The following ERC2 variants were observed in gnomAD, a reference collection of about 807,000 sequenced individuals.
ERC2 encodes the protein ELKS/RAB6-interacting/CAST family member 2.
In ERC2, 42 loss-of-function variants were observed where a neutral mutation model predicts 114.8. The ratio of observed to expected loss-of-function variants is 0.37; its 90% CI spans 0.29 to 0.47. The LOEUF is 0.47. ERC2 is among the 20% of genes least tolerant of loss of function. ERC2 has a pLI of 0.99. For synonymous variants in ERC2, 454 were observed against 425.5 expected, an observed-to-expected ratio of 1.07 and a Z score of -0.82; for missense variants, 939 against 1,150.7, an observed-to-expected ratio of 0.82 and a Z score of 2.66.
At position 56,204,008 on chromosome 3, in the gene ERC2, C is replaced by T. The variant is rs533689640; in HGVS notation, c.1075-30488G>A. Among the ~76,000 whole-genome samples, 47 of 151,864 alleles carry T rather than the reference C, an allele frequency of 3.1e-4. 1 individual carries two copies. The highest frequency in any genetic ancestry group is 9.4e-4 in the African/African-American group (39 of 41,410). On this transcript the variant is annotated intron_variant, in intron 3 of 17. Coordinates refer to ENST00000288221, the MANE Select transcript of ERC2 (RefSeq NM_015576.3). ...CAGCCTGGCCAAGATGGTGAAACCC[C>T]GTCTCTACTAAAAATACACACACAA...
chr3:56,297,877 A>G (rs1296467612), intron 2 of ERC2, among the ~76,000 whole-genome samples: 1 of 152,206 alleles, frequency 6.6e-6, no homozygotes, highest in African/African-American at 2.4e-5. Context: ...GCCTACACCC[A>G]GAAACTAGCA....
chr3:55,954,119 T>A (rs1051457707), intron 12 of ERC2, among the ~76,000 whole-genome samples: 1 of 143,128 alleles, frequency 7.0e-6, no homozygotes, highest in Non-Finnish European at 1.5e-5. Context: ...AAAAGGTTTC[T>A]TTGGGGTGAA....
At chr3:55,597,246 C>T (rs1038407223) in intron 17 of ERC2, among the ~76,000 whole-genome samples, 5 of 151,988 alleles carry the variant, frequency 3.3e-5, no homozygotes, top group African/African-American at 1.2e-4. Flanking sequence ...TGGTGAAACC[C>T]CATCTCTACA....
chr3:56,033,015 GAAAGA>G (rs1560057957), intron 7 of ERC2, among the ~76,000 whole-genome samples: 18 of 98,846 alleles, frequency 1.8e-4, no homozygotes, highest in African/African-American at 5.8e-4. Context: ...AAGAAAGAAA[GAAAGA>G]AAAAAGAAAC....
chr3:55,561,876 A>G (rs2056046979), intron 17 of ERC2, among the ~76,000 whole-genome samples: 1 of 152,192 alleles, frequency 6.6e-6, no homozygotes, highest in Non-Finnish European at 1.5e-5. Context: ...AGCCAGCCCA[A>G]TGAGAGTCTG....
intron 2 of ERC2, among the ~76,000 whole-genome samples, chr3:56,330,583 C>T (rs2057564504): frequency 6.6e-6 from 1 of 152,178 alleles, no homozygotes; most frequent in African/African-American, 2.4e-5. Flanking sequence ...AACTTAATTA[C>T]AGTCCCCAAC....
chr3:55,779,186 A>C (rs1274589775), intron 14 of ERC2, among the ~76,000 whole-genome samples: 2 of 152,080 alleles, frequency 1.3e-5, no homozygotes, highest in African/African-American at 4.8e-5. Context: ...GCTGCTTAAA[A>C]AGTTCTGGAA....
chr3:56,364,815 G>A (rs988671914), intron 2 of ERC2, among the ~76,000 whole-genome samples: 40 of 152,278 alleles, frequency 2.6e-4, no homozygotes, highest in African/African-American at 8.7e-4. Context: ...TGCCAGAAGG[G>A]ACCCTGGGCA....
At chr3:56,464,648 A>C (rs543841800) in intron 1 of ERC2, among the ~76,000 whole-genome samples, 5 of 152,334 alleles carry the variant, frequency 3.3e-5, no homozygotes, top group Admixed American at 3.3e-4. Flanking sequence ...TGTTTTGTAC[A>C]TCCAGTGAGT....
intron 13 of ERC2, among the ~76,000 whole-genome samples, chr3:55,897,601 A>G (rs2063904323): frequency 6.6e-6 from 1 of 152,212 alleles, no homozygotes; most frequent in African/African-American, 2.4e-5. Context: ...TTGGCCCAGC[A>G]CAACTCTGGA....
chr3:55,814,803 G>A (rs572041842), intron 14 of ERC2, among the ~76,000 whole-genome samples: 2 of 152,194 alleles, frequency 1.3e-5, no homozygotes, highest in Non-Finnish European at 2.9e-5. Context: ...CAATCGTGTG[G>A]CACATGCTGG....
At chr3:56,335,876 A>G (rs2057826297) in intron 2 of ERC2, among the ~76,000 whole-genome samples, 1 of 152,106 alleles carries the variant, frequency 6.6e-6, no homozygotes, top group Admixed American at 6.5e-5. Context: ...GGACTTGGGG[A>G]GAAACAGGGT....
intron 2 of ERC2, among the ~76,000 whole-genome samples, chr3:56,344,634 G>A (rs1315640319): frequency 2.0e-5 from 3 of 152,122 alleles, no homozygotes; most frequent in South Asian, 2.1e-4. Flanking sequence ...CTTCTTTTCC[G>A]TTAGCAAGCC....
intron 7 of ERC2, among the ~76,000 whole-genome samples, chr3:56,054,939 A>G (rs1275961177): frequency 6.6e-6 from 1 of 152,202 alleles, no homozygotes; most frequent in African/African-American, 2.4e-5. Context: ...ACATGGGCCA[A>G]ATGTCGGTCT....
chr3:55,535,913 T>C (rs2053970471), intron 17 of ERC2, among the ~76,000 whole-genome samples: 2 of 152,042 alleles, frequency 1.3e-5, no homozygotes, highest in South Asian at 4.1e-4. Context: ...GAGGGAGAAT[T>C]GCTTGAACCT....
At chr3:56,353,212 A>C (rs1466472718) in intron 2 of ERC2, among the ~76,000 whole-genome samples, 1 of 151,948 alleles carries the variant, frequency 6.6e-6, no homozygotes, top group Non-Finnish European at 1.5e-5. Flanking sequence ...CTAAGCAACT[A>C]GATACTGAAT....
At chr3:55,732,427 G>A (rs2065310439) in intron 15 of ERC2, among the ~76,000 whole-genome samples, 1 of 152,200 alleles carries the variant, frequency 6.6e-6, no homozygotes, top group African/African-American at 2.4e-5. Flanking sequence ...TTTGGACACT[G>A]CCTTAGCACA....
chr3:55,916,242 T>A (rs1414585491), intron 13 of ERC2, among the ~76,000 whole-genome samples: 1 of 152,204 alleles, frequency 6.6e-6, no homozygotes, highest in African/African-American at 2.4e-5. Context: ...ATGCCTAGCA[T>A]GCCAATTGAC....
intron 2 of ERC2, among the ~76,000 whole-genome samples, chr3:56,366,064 G>C (rs2059138439): frequency 6.6e-6 from 1 of 152,162 alleles, no homozygotes; most frequent in South Asian, 2.1e-4. Flanking sequence ...AATGATCAGG[G>C]TTTAGTCAGT....
Sources: allele counts gnomAD v4.1 joint callset (sites outside exome capture counted in the v4.1 genomes callset), GRCh38; gene constraint gnomAD v4.1.1; transcripts MANE v1.5; gene names NCBI Gene and HGNC (gene_info 2026-07-23, HGNC 2026-07-21).